RNF150: variants seen among roughly 807,000 people sequenced by gnomAD.
The protein encoded by RNF150 is ring finger protein 150.
In RNF150, 24 loss-of-function variants were observed where a neutral mutation model predicts 39.3. That is an observed-to-expected ratio of 0.61 (90% confidence interval 0.44 to 0.86). The LOEUF is 0.86. Among genes scored for constraint, RNF150 ranks in the 40% least tolerant of loss-of-function variants. The pLI, the probability that RNF150 is intolerant of heterozygous loss-of-function variation, is 0.00. For synonymous variants in RNF150, 255 were observed against 227.3 expected, an observed-to-expected ratio of 1.12 and a Z score of -1.10; for missense variants, 502 against 587.8, an observed-to-expected ratio of 0.85 and a Z score of 1.51.
At chr4:140,903,665 A>G (rs1730271896) in intron 6 of RNF150, among the ~76,000 whole-genome samples, 1 of 152,202 alleles carries the variant, frequency 6.6e-6, no homozygotes, top group East Asian at 1.9e-4. Context: ...CAAAAGCAAG[A>G]TATCATTGTG....
chr4:140,921,495 A>C (rs1400334066), intron 5 of RNF150, among the ~76,000 whole-genome samples: 1 of 152,168 alleles, frequency 6.6e-6, no homozygotes, highest in Non-Finnish European at 1.5e-5. Context: ...CAACCAAAAA[A>C]AGTCCAGGAC....
At chr4:140,948,353 G>T (rs1050741101) in intron 3 of RNF150, among the ~76,000 whole-genome samples, 1 of 152,088 alleles carries the variant, frequency 6.6e-6, no homozygotes, top group Admixed American at 6.5e-5. Context: ...AAATCATTCA[G>T]ATTAGAGACA....
intron 1 of RNF150, among the ~76,000 whole-genome samples, chr4:141,191,759 A>G (rs3851435): frequency 0.25 from 37,781 of 152,190 alleles, 5,294 homozygotes; most frequent in East Asian, 0.66. Flanking sequence ...TATAACACAC[A>G]TATGTCTTAG....
chr4:141,054,067 C>T (rs941160693), intron 1 of RNF150, among the ~76,000 whole-genome samples: 3 of 152,112 alleles, frequency 2.0e-5, no homozygotes, highest in Admixed American at 2.0e-4. Flanking sequence ...AAAGCTAACA[C>T]AATTCTTATT....
chr4:140,958,307 A>T (rs922501591), intron 2 of RNF150, among the ~76,000 whole-genome samples: 1 of 152,074 alleles, frequency 6.6e-6, no homozygotes, highest in Non-Finnish European at 1.5e-5. Context: ...AGGTCTTAAC[A>T]TGACAGCCTT....
chr4:140,892,547 T>C (rs754726038), intron 6 of RNF150, among the ~76,000 whole-genome samples: 17 of 152,368 alleles, frequency 1.1e-4, no homozygotes, highest in Non-Finnish European at 2.5e-4. Flanking sequence ...AAAAGACTTT[T>C]GTTAAAAACC....
intron 1 of RNF150, among the ~76,000 whole-genome samples, chr4:141,105,762 T>C (rs1739174766): frequency 6.6e-6 from 1 of 152,238 alleles, no homozygotes; most frequent in Non-Finnish European, 1.5e-5. Context: ...TCTACCCTCA[T>C]ATTTAAACAT....
intron 1 of RNF150, among the ~76,000 whole-genome samples, chr4:141,156,148 C>T (rs912659114): frequency 1.3e-5 from 2 of 151,330 alleles, no homozygotes; most frequent in Non-Finnish European, 2.9e-5. Context: ...TGGCTGGAAA[C>T]CCTGTTTCTA....
intron 1 of RNF150, among the ~76,000 whole-genome samples, chr4:140,999,985 AAAGAAGAAAAGAAGAAG>A (rs1734552829): frequency 2.6e-5 from 1 of 38,952 alleles, no homozygotes; most frequent in African/African-American, 7.6e-5. Flanking sequence ...GAAAAGAAGA[AAAGAAGAAAAGAAGAAG>A]AAGAAGAAGA....
intron 4 of RNF150, among the ~76,000 whole-genome samples, chr4:140,935,316 T>C (rs899672452): frequency 6.6e-6 from 1 of 151,828 alleles, no homozygotes; most frequent in Non-Finnish European, 1.5e-5. Flanking sequence ...CATTTTATAG[T>C]GTGTCTCACT....
At chr4:140,878,948 A>C (rs547552863) in intron 6 of RNF150, among the ~76,000 whole-genome samples, 180 of 152,338 alleles carry the variant, frequency 1.2e-3, no homozygotes, top group African/African-American at 4.0e-3. Context: ...CTCTAAGATA[A>C]GGGTCCAATT....
In RNF150 at chr4:141,091,464, G is replaced by A. The variant is rs183806167; in HGVS notation, c.484+40861C>T. 5.9e-5 allele frequency among the ~76,000 whole-genome samples: 9 copies of A among 152,228 alleles called. No homozygotes were observed. The East Asian group carries it at 1.7e-3, about 29-fold the overall frequency. On this transcript the variant is annotated intron_variant, in intron 1 of 6. Transcript: ENST00000515673. ...TTCAGCCTTGTGTCTGAGGTCCAAG[G>A]GCAGGATGGGAAACAGTGGATAACA...
chr4:141,126,815 C>G (rs968812383), intron 1 of RNF150, among the ~76,000 whole-genome samples: 1 of 152,046 alleles, frequency 6.6e-6, no homozygotes, highest in African/African-American at 2.4e-5. Flanking sequence ...CTAAACCAAA[C>G]CTTGTACTTT....
intron 1 of RNF150, among the ~76,000 whole-genome samples, chr4:141,077,411 G>A (rs986468336): frequency 3.3e-5 from 5 of 152,136 alleles, no homozygotes; most frequent in Non-Finnish European, 7.4e-5. Flanking sequence ...GACTGCAAAC[G>A]GGCAGCACAA....
chr4:140,985,740 T>G (rs1425651068), intron 1 of RNF150, among the ~76,000 whole-genome samples: 1 of 152,150 alleles, frequency 6.6e-6, no homozygotes, highest in African/African-American at 2.4e-5. Flanking sequence ...TTTATATTGA[T>G]TAAATTTTGA....
At position 140,964,448 on chromosome 4, in the gene RNF150, G is replaced by C. The variant is rs539131744; in HGVS notation, c.735+3175C>G. ...AATGTTATACATTATTATAATTAGGGTTATAACAATGAGGCTGTTAATAAT... is the reference window on the plus strand; with the variant it reads ...AATGTTATACATTATTATAATTAGGCTTATAACAATGAGGCTGTTAATAAT... On this transcript the variant is annotated intron_variant, in intron 2 of 6. Transcript: ENST00000515673. Among the ~76,000 whole-genome samples, 7 of 151,986 alleles carry C rather than the reference G, an allele frequency of 4.6e-5. No individual in the cohort carries two copies. In the East Asian group the frequency reaches 1.4e-3, roughly 29 times the overall value.
intron 4 of RNF150, among the ~76,000 whole-genome samples, chr4:140,934,215 G>A (rs1190256600): frequency 6.6e-6 from 1 of 152,028 alleles, no homozygotes; most frequent in Non-Finnish European, 1.5e-5. Flanking sequence ...TTGCCATGTT[G>A]GCCAGGCTGG....
intron 1 of RNF150, among the ~76,000 whole-genome samples, chr4:140,986,436 A>T (rs1270061315): frequency 6.6e-6 from 1 of 152,122 alleles, no homozygotes; most frequent in Non-Finnish European, 1.5e-5. Flanking sequence ...TATAATTTAT[A>T]TTCCCACTAG....
At chr4:141,084,874 G>A (rs1284543448) in intron 1 of RNF150, among the ~76,000 whole-genome samples, 1 of 152,134 alleles carries the variant, frequency 6.6e-6, no homozygotes, top group Non-Finnish European at 1.5e-5. Context: ...CCATAAAGAG[G>A]AGAGGTCTAC....
Sources: gnomAD v4.1 joint callset for allele counts (sites outside exome capture counted in the v4.1 genomes callset) on GRCh38, gnomAD v4.1.1 for gene constraint, MANE v1.5 for transcripts, NCBI Gene and HGNC (gene_info 2026-07-23, HGNC 2026-07-21) for gene names.